ELMO1: variants seen among roughly 807,000 people sequenced by gnomAD.
ELMO1 encodes the protein engulfment and cell motility protein 1.
In ELMO1, 26 loss-of-function variants were observed where a neutral mutation model predicts 98.9. The observed-to-expected ratio is 0.26, with a 90% CI of 0.19 to 0.36. ELMO1 has a LOEUF of 0.36. ELMO1 is among the 10% of genes least tolerant of loss of function. The pLI, the probability that ELMO1 is intolerant of heterozygous loss-of-function variation, is 1.00. For missense variants in ELMO1, 627 were observed against 935.2 expected, an observed-to-expected ratio of 0.67 and a Z score of 4.30; for synonymous variants, 346 against 346.0, an observed-to-expected ratio of 1.00 and a Z score of 0.00.
chr7:36,957,455 T>C (rs181183867), intron 16 of ELMO1, among the ~76,000 whole-genome samples: 105 of 152,328 alleles, frequency 6.9e-4, no homozygotes, highest in African/African-American at 2.5e-3. Context: ...CCACAATTCA[T>C]TGACGATTTT....
intron 3 of ELMO1, 53 bp downstream of exon 3, chr7:37,315,867 G>C: frequency 7.0e-7 from 1 of 1,436,598 alleles, no homozygotes; most frequent in Admixed American, 2.0e-5. Context: ...TATATTATTT[G>C]CTTGTCAATT....
At chr7:36,969,276 CATTA>C (rs1254009469) in intron 16 of ELMO1, among the ~76,000 whole-genome samples, 1 of 152,000 alleles carries the variant, frequency 6.6e-6, no homozygotes, top group Non-Finnish European at 1.5e-5. Context: ...TTAGTTGACA[CATTA>C]ATTATATTAT....
At chr7:37,158,658 G>A (rs1401777144) in intron 13 of ELMO1, among the ~76,000 whole-genome samples, 2 of 152,140 alleles carry the variant, frequency 1.3e-5, no homozygotes, top group African/African-American at 2.4e-5. Flanking sequence ...GAAACAACAG[G>A]TGCTGGAGAG....
chr7:37,135,619 G>A (rs1337397493), intron 13 of ELMO1, among the ~76,000 whole-genome samples: 1 of 152,138 alleles, frequency 6.6e-6, no homozygotes, highest in African/African-American at 2.4e-5. Flanking sequence ...AGACCCAGAA[G>A]AGCAAAAACA....
intron 15 of ELMO1, among the ~76,000 whole-genome samples, chr7:37,040,693 T>C (rs117583674): frequency 0.014 from 2,104 of 152,280 alleles, 29 homozygotes; most frequent in Non-Finnish European, 0.023. Flanking sequence ...AACAGGGCAT[T>C]ATGTAGCTGC....
At chr7:36,982,988 A>G (rs183438465) in intron 16 of ELMO1, among the ~76,000 whole-genome samples, 1 of 152,336 alleles carries the variant, frequency 6.6e-6, no homozygotes, top group African/African-American at 2.4e-5. Context: ...TTGAGAAAGC[A>G]TGGTAGTCCT....
At chr7:37,303,802 C>A (rs1030915388) in intron 4 of ELMO1, among the ~76,000 whole-genome samples, 1 of 152,188 alleles carries the variant, frequency 6.6e-6, no homozygotes, top group Non-Finnish European at 1.5e-5. Context: ...TGACCTCTGG[C>A]ATTTGTCCTT....
intron 7 of ELMO1, among the ~76,000 whole-genome samples, chr7:37,241,392 T>C (rs376763605): frequency 2.0e-5 from 3 of 152,130 alleles, no homozygotes; most frequent in Admixed American, 6.5e-5. Flanking sequence ...ACATGTGCCC[T>C]TGTCTTTATA....
intron 13 of ELMO1, among the ~76,000 whole-genome samples, chr7:37,137,527 A>G (rs771468033): frequency 1.3e-5 from 2 of 151,946 alleles, no homozygotes; most frequent in Non-Finnish European, 2.9e-5. Flanking sequence ...ATAGACCACA[A>G]AAGAAGTCTC....
At chr7:37,236,559 T>C (rs1291710750) in intron 7 of ELMO1, among the ~76,000 whole-genome samples, 1 of 152,198 alleles carries the variant, frequency 6.6e-6, no homozygotes, top group Non-Finnish European at 1.5e-5. Context: ...GCATATAATA[T>C]TTATGTAAAA....
At chr7:37,033,720 G>A (rs1460979563) in intron 15 of ELMO1, among the ~76,000 whole-genome samples, 1 of 152,214 alleles carries the variant, frequency 6.6e-6, no homozygotes, top group Admixed American at 6.5e-5. Context: ...CCCATGATGT[G>A]AGATCAGGGA....
intron 2 of ELMO1, among the ~76,000 whole-genome samples, chr7:37,334,739 C>A (rs1290626717): frequency 6.6e-6 from 1 of 152,292 alleles, no homozygotes; most frequent in Admixed American, 6.5e-5. Context: ...ACTCAATGAG[C>A]TTTTCAAAGG....
intron 15 of ELMO1, among the ~76,000 whole-genome samples, chr7:37,091,947 G>A (rs79171138): frequency 0.059 from 9,016 of 152,102 alleles, 740 homozygotes; most frequent in African/African-American, 0.19. Flanking sequence ...ATCTCCCACT[G>A]GGTCCCTCCT....
chr7:37,123,600 C>G (rs1786260954), intron 14 of ELMO1, among the ~76,000 whole-genome samples: 1 of 152,188 alleles, frequency 6.6e-6, no homozygotes, highest in African/African-American at 2.4e-5. Context: ...GACGTTGAAT[C>G]TCTGAATAGA....
chr7:37,339,781 T>C (rs1163903911), intron 2 of ELMO1, among the ~76,000 whole-genome samples: 2 of 152,110 alleles, frequency 1.3e-5, no homozygotes, highest in Non-Finnish European at 2.9e-5. Flanking sequence ...AGGCCTATAA[T>C]TTAACCAACT....
chr7:37,282,776 T>C (rs1797207991), intron 4 of ELMO1, among the ~76,000 whole-genome samples: 1 of 152,162 alleles, frequency 6.6e-6, no homozygotes, highest in South Asian at 2.1e-4. Flanking sequence ...CGCCACCCCA[T>C]TAGAGTGGCA....
chr7:37,276,501 C>G (rs551732655), intron 4 of ELMO1, among the ~76,000 whole-genome samples: 2 of 152,118 alleles, frequency 1.3e-5, no homozygotes, highest in Admixed American at 1.3e-4. Context: ...GTCCCAGCTA[C>G]TCGGGAGGCT....
At chr7:37,120,346 C>T (rs979746062) in intron 14 of ELMO1, among the ~76,000 whole-genome samples, 17 of 152,222 alleles carry the variant, frequency 1.1e-4, no homozygotes, top group African/African-American at 2.2e-4. Context: ...ACCCGACAAG[C>T]GCAAGGGGTC....
chr7:37,213,810 C>T (rs1022970247), intron 11 of ELMO1, among the ~76,000 whole-genome samples: 4 of 152,162 alleles, frequency 2.6e-5, no homozygotes, highest in Admixed American at 1.3e-4. Flanking sequence ...ATCTGTCACA[C>T]GCAGCAGAAA....
Sources: allele counts gnomAD v4.1 joint callset (sites outside exome capture counted in the v4.1 genomes callset), GRCh38; gene constraint gnomAD v4.1.1; transcripts MANE v1.5; gene names NCBI Gene and HGNC (gene_info 2026-07-23, HGNC 2026-07-21).